The following TOM1L1 variants were observed in gnomAD, a reference collection of about 807,000 sequenced individuals.
TOM1L1 encodes TOM1-like protein 1.
TOM1L1 carries 64 observed loss-of-function variants against 63.4 expected under a neutral mutation model. That is an observed-to-expected ratio of 1.01 (90% CI 0.83 to 1.24). The LOEUF (loss-of-function observed/expected upper bound fraction) is 1.24, where lower values mean the gene tolerates loss of function less well. Among genes scored for constraint, TOM1L1 ranks in the 50% most tolerant of loss-of-function variants. TOM1L1 has a pLI of 0.00. For synonymous variants in TOM1L1, 166 were observed against 194.4 expected (o/e 0.85, Z 1.22); for missense variants, 536 against 567.0 (o/e 0.95, Z 0.55).
chr17:54,941,074 G>C (rs536183731), intron 11 of TOM1L1, among the ~76,000 whole-genome samples: 3 of 151,718 alleles, frequency 2.0e-5, no homozygotes, highest in Admixed American at 1.3e-4. Flanking sequence ...TATTTGTTAG[G>C]TTCTGATTTA....
chr17:54,922,047 CT>C (rs1466877905), intron 7 of TOM1L1, among the ~76,000 whole-genome samples: 1 of 152,076 alleles, frequency 6.6e-6, no homozygotes, highest in Non-Finnish European at 1.5e-5. Flanking sequence ...AATCCCAGCA[CT>C]TTGGGAGGCC....
At chr17:54,924,705 G>A (rs1315841030) in intron 7 of TOM1L1, among the ~76,000 whole-genome samples, 1 of 152,056 alleles carries the variant, frequency 6.6e-6, no homozygotes, top group Non-Finnish European at 1.5e-5. Context: ...TTCATTACCA[G>A]GTTCTGGCTC....
chr17:54,923,858 G>A (rs930483431), intron 7 of TOM1L1, among the ~76,000 whole-genome samples: 1 of 152,148 alleles, frequency 6.6e-6, no homozygotes, highest in Non-Finnish European at 1.5e-5. Flanking sequence ...GGTGGCAGGT[G>A]CCTGTAATCC....
chr17:54,949,969 A>T, intron 13 of TOM1L1, 76 bp from the exon 14 acceptor site: 1 of 1,197,934 alleles, frequency 8.3e-7, no homozygotes, highest in Non-Finnish European at 1.2e-6. Context: ...TGAAGTCTAA[A>T]TTATAAAAAG....
chr17:54,924,149 C>T lies in TOM1L1; in HGVS notation c.721-5924C>T, dbSNP rs114780894. Among the ~76,000 whole-genome samples the T allele has an allele frequency of 2.7e-3, 406 of 152,210 alleles. 4 individuals are homozygous for T. Among genetic ancestry groups the T allele is most frequent in the African/African-American group, 9.3e-3 (388 of 41,534 alleles). Reference sequence around the variant, plus strand: ...TTAGCCTACTTCTGTTTCCGTGGCACGTGCTTGCTAACCTCCTTCCTATTC... The same window carrying T: ...TTAGCCTACTTCTGTTTCCGTGGCATGTGCTTGCTAACCTCCTTCCTATTC... On this transcript the variant is annotated intron_variant, in intron 7 of 15. Transcript: ENST00000575882.
At chr17:54,935,249 G>A (rs2048927350) in intron 8 of TOM1L1, among the ~76,000 whole-genome samples, 1 of 151,662 alleles carries the variant, frequency 6.6e-6, no homozygotes, top group South Asian at 2.1e-4. Context: ...AAAGGGGGTT[G>A]TTCTCTGGAG....
rs1047556338 is a variant in TOM1L1, at chr17:54,960,722, C to T, written c.*1+95C>T. The T allele has an allele frequency of 2.9e-5, 26 of 893,464 alleles. No homozygotes were observed. In the African/African-American group the frequency reaches 4.2e-4, roughly 14 times the overall value. The allele number at this position is 893,464 out of a possible 1,614,324, so 55.3% of individuals were successfully genotyped here. A position where few individuals can be genotyped will look rare whatever the true frequency, so the allele number is the denominator to read the frequency against. On this transcript the variant is annotated intron_variant, in intron 15 of 15. Transcript: ENST00000575882. ...ATTTAGTATTTAAATTTTCTAAGGG[C>T]CATCTGAGTCTGACACTTTGAAATA...
Position 54,960,565 on chromosome 17 carries a change from G to C in TOM1L1, c.1371-1G>C. ...CTTTTGCTGTGATGGCTTTGTTTCA[G>C]AGCTATTTATGAAGAAATTGATGCT... is the stretch of plus-strand genomic sequence containing the variant. On this transcript the variant is annotated splice_acceptor_variant, in intron 14 of 15. Coordinates refer to ENST00000575882, the MANE Select transcript of TOM1L1 (RefSeq NM_005486.3). LOFTEE classifies it high-confidence loss of function. The C allele has an allele frequency of 1.2e-6, 2 of 1,612,744 alleles. No homozygotes were observed. Among genetic ancestry groups the C allele is most frequent in the Non-Finnish European group, 1.7e-6 (2 of 1,179,382 alleles).
chr17:54,901,423 G>T (rs1351030115), intron 1 of TOM1L1, among the ~76,000 whole-genome samples: 1 of 152,138 alleles, frequency 6.6e-6, no homozygotes, highest in South Asian at 2.1e-4. Flanking sequence ...TACTTTTCTG[G>T]GTAAACAAAG....
intron 11 of TOM1L1, among the ~76,000 whole-genome samples, chr17:54,943,009 T>C (rs1419808830): frequency 6.6e-6 from 1 of 152,230 alleles, no homozygotes; most frequent in Non-Finnish European, 1.5e-5. Context: ...TTCGGCTATG[T>C]TGGATCTTAT....
chr17:54,908,004 T>C (rs2048439892), intron 3 of TOM1L1, among the ~76,000 whole-genome samples: 1 of 152,056 alleles, frequency 6.6e-6, no homozygotes, highest in Non-Finnish European at 1.5e-5. Context: ...TATTCCAGAG[T>C]GTTGTGCCTC....
chr17:54,932,420 G>C (rs1206111835), intron 8 of TOM1L1, among the ~76,000 whole-genome samples: 1 of 152,038 alleles, frequency 6.6e-6, no homozygotes, highest in African/African-American at 2.4e-5. Context: ...CCAGGCCTAG[G>C]GTGTGGCGCC....
chr17:54,930,910 A>G (rs896070581), intron 8 of TOM1L1, among the ~76,000 whole-genome samples: 5 of 152,056 alleles, frequency 3.3e-5, no homozygotes, highest in Non-Finnish European at 7.4e-5. Flanking sequence ...TGGTCCTAGT[A>G]GGTGCTTATA....
In TOM1L1 at chr17:54,930,340, C is replaced by T. The variant is rs1021028904; in HGVS notation, c.854+134C>T. On this transcript the variant is annotated intron_variant, in intron 8 of 15. Coordinates refer to ENST00000575882, the MANE Select transcript of TOM1L1 (RefSeq NM_005486.3). ...CCATTCTCAATAGGAAAGGTATTGG[C>T]ATGTGGGGTGGGACAGTTTTCCCTT... The T allele has an allele frequency of 1.8e-5, 23 of 1,270,894 alleles. No homozygotes were observed. In the African/African-American group the frequency reaches 2.7e-4, roughly 15 times the overall value. 78.7% of individuals were successfully genotyped at this position (1,270,894 alleles called of 1,614,324 possible).
intron 4 of TOM1L1, 130 bp from the exon 5 acceptor site, chr17:54,913,618 A>T: frequency 1.1e-6 from 1 of 944,126 alleles, no homozygotes; most frequent in Admixed American, 2.9e-5. Flanking sequence ...ATGAGCAGAG[A>T]TTGTGCCATT....
chr17:54,960,777 T>C (rs2077101227), intron 15 of TOM1L1, 150 bp downstream of exon 15: 2 of 643,712 alleles, frequency 3.1e-6, no homozygotes, highest in East Asian at 2.7e-5. Flanking sequence ...CAAATTGTGC[T>C]GAACCATTGT....
At chr17:54,929,434 G>A (rs1035379838) in intron 7 of TOM1L1, among the ~76,000 whole-genome samples, 1 of 151,840 alleles carries the variant, frequency 6.6e-6, no homozygotes, top group African/African-American at 2.4e-5. Context: ...TTTCTAGGTA[G>A]TCCAAATAAG....
chr17:54,906,423 C>T (rs1424161577), intron 3 of TOM1L1, among the ~76,000 whole-genome samples: 2 of 149,098 alleles, frequency 1.3e-5, no homozygotes, highest in South Asian at 2.1e-4. Context: ...GAGTCGAGAT[C>T]GCACCACTGT....
intron 3 of TOM1L1, among the ~76,000 whole-genome samples, chr17:54,912,097 G>C (rs761470153): frequency 3.3e-5 from 5 of 152,072 alleles, no homozygotes; most frequent in Admixed American, 6.5e-5. Flanking sequence ...TATCTGTCTA[G>C]AATATAGCTC....
Sources: gnomAD v4.1 joint callset for allele counts (sites outside exome capture counted in the v4.1 genomes callset) on GRCh38, gnomAD v4.1.1 for gene constraint, MANE v1.5 for transcripts, NCBI Gene and HGNC (gene_info 2026-07-23, HGNC 2026-07-21) for gene names.